The following NYAP2 variants were observed in gnomAD, a reference collection of about 807,000 sequenced individuals.
NYAP2 encodes the protein neuronal tyrosine-phosphorylated phosphoinositide-3-kinase adapter 2.
In NYAP2, 23 loss-of-function variants were observed where a neutral mutation model predicts 50.4. The observed-to-expected ratio is 0.46, with a 90% CI of 0.33 to 0.65. NYAP2 has a LOEUF of 0.65. NYAP2 is among the 30% of genes least tolerant of loss of function. The probability of loss-of-function intolerance (pLI) is 0.02; values close to 1 mark genes in which losing one functional copy is unlikely to be tolerated. For missense variants in NYAP2, 885 were observed against 861.0 expected, an observed-to-expected ratio of 1.03 and a Z score of -0.35; for synonymous variants, 394 against 365.2, an observed-to-expected ratio of 1.08 and a Z score of -0.90.
At chr2:225,594,945 G>A (rs1350314506) in intron 5 of NYAP2, among the ~76,000 whole-genome samples, 1 of 152,184 alleles carries the variant, frequency 6.6e-6, no homozygotes, top group Non-Finnish European at 1.5e-5. Context: ...GAAGTAAGGA[G>A]TATTAGTTAC....
At chr2:225,491,687 T>C (rs1203624457) in intron 3 of NYAP2, among the ~76,000 whole-genome samples, 1 of 152,204 alleles carries the variant, frequency 6.6e-6, no homozygotes, top group East Asian at 1.9e-4. Flanking sequence ...GTCTTTACTA[T>C]GTAGTTAGTG....
intron 6 of NYAP2, among the ~76,000 whole-genome samples, chr2:225,651,153 G>C (rs947460363): frequency 2.6e-5 from 4 of 152,178 alleles, no homozygotes; most frequent in African/African-American, 9.6e-5. Context: ...TTGCTCCAGG[G>C]ATGACTCCAT....
rs71062993 is a variant in NYAP2, at chr2:225,589,516, A to AATATATATATATATATATATATAT, written c.1618+6484_1618+6507dup. ...AAGACTATATCTCTACTAAAAGTAA[A>AATATATATATATATATATATATAT]ATATATATATATATATATATATATA... On this transcript the variant is annotated intron_variant, in intron 5 of 6. Coordinates refer to ENST00000636099, the Ensembl canonical transcript of NYAP2. Among the ~76,000 whole-genome samples the AATATATATATATATATATATATAT allele has an allele frequency of 6.6e-3, 470 of 71,012 alleles. 10 individuals are homozygous for AATATATATATATATATATATATAT. The highest frequency in any genetic ancestry group is 0.011 in the African/African-American group (192 of 18,072). The allele number at this position is 71,012 out of a possible 152,430, so 46.6% of individuals were successfully genotyped here.
downstream of NYAP2, among the ~76,000 whole-genome samples, chr2:225,658,239 AT>A (rs1381956295): frequency 6.6e-6 from 1 of 152,072 alleles, no homozygotes; most frequent in Non-Finnish European, 1.5e-5. Context: ...GGCTCTTATT[AT>A]TTACTTCCTT....
At chr2:225,593,923 T>C (rs1046788337) in intron 5 of NYAP2, among the ~76,000 whole-genome samples, 1 of 152,246 alleles carries the variant, frequency 6.6e-6, no homozygotes, top group African/African-American at 2.4e-5. Flanking sequence ...GCAGCTATGC[T>C]GAATGCTGAA....
chr2:225,657,077 G>C (rs1442300933), downstream of NYAP2, among the ~76,000 whole-genome samples: 3 of 148,294 alleles, frequency 2.0e-5, no homozygotes, highest in Admixed American at 6.7e-5. Flanking sequence ...GTAAGGCCTA[G>C]AGTGTGAAAT....
At chr2:225,461,567 T>C (rs1000163130) in intron 3 of NYAP2, among the ~76,000 whole-genome samples, 1 of 152,242 alleles carries the variant, frequency 6.6e-6, no homozygotes, top group Non-Finnish European at 1.5e-5. Flanking sequence ...TTACCTTTCA[T>C]CATTGGTCTT....
At chr2:225,499,083 GAA>G (rs1055140390) in intron 3 of NYAP2, among the ~76,000 whole-genome samples, 109 of 90,366 alleles carry the variant, frequency 1.2e-3, no homozygotes, top group African/African-American at 4.6e-3. Context: ...AGGGGAAACA[GAA>G]CTTTGACCTA....
At chr2:225,556,919 T>C (rs997560447) in intron 4 of NYAP2, among the ~76,000 whole-genome samples, 1 of 152,218 alleles carries the variant, frequency 6.6e-6, no homozygotes, top group Non-Finnish European at 1.5e-5. Flanking sequence ...TATCTTTGGC[T>C]GTGCTCAACC....
At chr2:225,596,365 A>G (rs2006645) in intron 5 of NYAP2, among the ~76,000 whole-genome samples, 77,765 of 152,048 alleles carry the variant, frequency 0.51, 20,473 homozygotes, top group South Asian at 0.67. Flanking sequence ...TGCCTCCCCC[A>G]CTAAATTATT....
At chr2:225,557,055 C>T (rs1466960724) in intron 4 of NYAP2, among the ~76,000 whole-genome samples, 1 of 152,148 alleles carries the variant, frequency 6.6e-6, no homozygotes, top group Non-Finnish European at 1.5e-5. Flanking sequence ...AAGCAAAACA[C>T]ACATATCTAA....
intron 3 of NYAP2, among the ~76,000 whole-genome samples, chr2:225,441,004 T>C (rs950986042): frequency 3.3e-5 from 5 of 152,154 alleles, no homozygotes; most frequent in African/African-American, 1.2e-4. Context: ...TGAGTTACAT[T>C]CTGTGCACTG....
intron 3 of NYAP2, among the ~76,000 whole-genome samples, chr2:225,468,696 T>C (rs973965724): frequency 6.6e-6 from 1 of 152,108 alleles, no homozygotes; most frequent in African/African-American, 2.4e-5. Flanking sequence ...ACAAAACCAT[T>C]GATTTAAATA....
intron 4 of NYAP2, among the ~76,000 whole-genome samples, chr2:225,540,957 CT>C (rs1415216317): frequency 1.3e-5 from 2 of 152,036 alleles, no homozygotes; most frequent in Admixed American, 6.6e-5. Context: ...TTGTTATTGC[CT>C]GTCTTTTTAA....
At chr2:225,561,175 G>A (rs1691865620) in intron 4 of NYAP2, among the ~76,000 whole-genome samples, 1 of 152,026 alleles carries the variant, frequency 6.6e-6, no homozygotes, top group Non-Finnish European at 1.5e-5. Context: ...TTAGGGGGAC[G>A]ACAGACAGGG....
At chr2:225,542,939 T>C (rs1691504342) in intron 4 of NYAP2, among the ~76,000 whole-genome samples, 1 of 152,052 alleles carries the variant, frequency 6.6e-6, no homozygotes, top group Non-Finnish European at 1.5e-5. Context: ...GCTTTGATCT[T>C]ATTACTTGCA....
upstream of NYAP2, among the ~76,000 whole-genome samples, chr2:225,399,098 C>T (rs915452712): frequency 6.6e-6 from 1 of 151,946 alleles, no homozygotes; most frequent in Admixed American, 6.6e-5. Flanking sequence ...AACCAACCTG[C>T]AAGTGAAGGT....
intron 3 of NYAP2, among the ~76,000 whole-genome samples, chr2:225,415,936 C>T (rs985697288): frequency 1.3e-5 from 2 of 151,962 alleles, no homozygotes; most frequent in African/African-American, 4.8e-5. Context: ...AAATCTGCAG[C>T]ATGTCAGGGT....
At chr2:225,686,137 GGTTATA>G in the NYAP2 span, among the ~76,000 whole-genome samples, 1 of 152,062 alleles carries the variant, frequency 6.6e-6, no homozygotes, top group African/African-American at 2.4e-5. Context: ...TTGTATGTCT[GGTTATA>G]GTCTTTCAGC....
Sources: allele counts gnomAD v4.1 joint callset (sites outside exome capture counted in the v4.1 genomes callset), GRCh38; gene constraint gnomAD v4.1.1; transcripts MANE v1.5; gene names NCBI Gene and HGNC (gene_info 2026-07-23, HGNC 2026-07-21).